MAP3K10: variants seen among roughly 807,000 people sequenced by gnomAD.
The protein encoded by MAP3K10 is MKN28 derived nonreceptor_type serine/threonine kinase.
MAP3K10 carries 22 observed loss-of-function variants against 75.0 expected under a neutral mutation model. The observed-to-expected ratio is 0.29, with a 90% confidence interval of 0.21 to 0.42. MAP3K10 has a LOEUF of 0.42. MAP3K10 is among the 10% of genes least tolerant of loss of function. The probability of loss-of-function intolerance (pLI) is 1.00; values close to 1 mark genes in which losing one functional copy is unlikely to be tolerated. For synonymous variants in MAP3K10, 599 were observed against 612.9 expected, an observed-to-expected ratio of 0.98 and a Z score of 0.34; for missense variants, 1,165 against 1,379.8, an observed-to-expected ratio of 0.84 and a Z score of 2.47.
In MAP3K10 at chr19:40,191,514, G is replaced by T. The variant is rs1972809937; in HGVS notation, c.-518G>T. On this transcript the variant is annotated 5_prime_UTR_variant, in exon 1 of 10. Coordinates refer to ENST00000253055, the MANE Select transcript of MAP3K10 (RefSeq NM_002446.4). ...ACCGGGAGGCCGGTGCCAAGGATGGGGGCCGCCCGGCTGCCCCGCGCGTGA... is the reference window on the plus strand; with the variant it reads ...ACCGGGAGGCCGGTGCCAAGGATGGTGGCCGCCCGGCTGCCCCGCGCGTGA... 6.7e-6 allele frequency among the ~76,000 whole-genome samples: 1 copy of T among 150,004 alleles called. No individual in the cohort carries two copies. Among genetic ancestry groups the T allele is most frequent in the Non-Finnish European group, 1.5e-5 (1 of 67,314 alleles).
At position 40,204,702 on chromosome 19, in the gene MAP3K10, T is replaced by C. The variant is rs114908734; in HGVS notation, c.1012+69T>C. ...GCAGGGACCTGTGGGCCCAGACCTT[T>C]CCCCTTCACACCTATCCATACCAGT... is the stretch of plus-strand genomic sequence containing the variant. On this transcript the variant is annotated intron_variant, in intron 3 of 9. Transcript: ENST00000253055. This position sits in a 1 kb window ranked among gnomAD's most constrained non-coding sequence, Gnocchi z 4.3. 1.3e-3 allele frequency: 2,051 copies of C among 1,552,616 alleles called. 28 individuals are homozygous for C. The African/African-American group carries it at 0.025, about 19-fold the overall frequency.
chr19:40,213,509 G>T lies in MAP3K10; in HGVS notation c.1838-8G>T. 6.2e-7 allele frequency: 1 copy of T among 1,611,144 alleles called. No individual in the cohort carries two copies. The highest frequency in any genetic ancestry group is 8.5e-7 in the Non-Finnish European group (1 of 1,179,374). On this transcript the variant is annotated splice_polypyrimidine_tract_variant and splice_region_variant and intron_variant, in intron 8 of 9. Transcript: ENST00000253055. The surrounding 1 kb of genome is among the most constrained non-coding windows in gnomAD (Gnocchi z 5.7). The stretch of plus-strand genomic sequence containing the variant: ...CTGCAGCGGAGTGATGGCCCTCTCC[G>T]GTTGCAGAGGAGTTCGCGGAGGCAG...
intron 2 of MAP3K10, among the ~76,000 whole-genome samples, chr19:40,199,896 C>A (rs149628218): frequency 2.0e-5 from 3 of 152,220 alleles, no homozygotes; most frequent in African/African-American, 4.8e-5. Context: ...CGGTGGCTCA[C>A]GCCTGTAATC....
chr19:40,204,791 G>A lies in MAP3K10; in HGVS notation c.1012+158G>A. ...GACTCTAAACAGCCTCCCCATGGTT[G>A]GCTCCATCCCCCACATCCCAGCCCT... On this transcript the variant is annotated intron_variant, in intron 3 of 9. Transcript: ENST00000253055. The surrounding 1 kb of genome is among the most constrained non-coding windows in gnomAD (Gnocchi z 4.3). 1 of 909,452 alleles carries A rather than the reference G, an allele frequency of 1.1e-6. No homozygotes were observed. Among genetic ancestry groups the A allele is most frequent in the Non-Finnish European group, 1.6e-6 (1 of 620,146 alleles). 56.3% of individuals were successfully genotyped at this position (909,452 alleles called of 1,614,324 possible). A position where few individuals can be genotyped will look rare whatever the true frequency, so the allele number is the denominator to read the frequency against.
At chr19:40,201,028 C>A (rs1008074762) in intron 2 of MAP3K10, among the ~76,000 whole-genome samples, 2 of 152,046 alleles carry the variant, frequency 1.3e-5, no homozygotes, top group Non-Finnish European at 2.9e-5. Context: ...TCACAGTAAC[C>A]CCATAGGTTT....
chr19:40,213,310 G>A lies in MAP3K10; in HGVS notation c.1837+122G>A, dbSNP rs1464205080. ...TGAGTGGAAGGCCTTCCTGGGAAGGGAGATGGTGGCCCCTGGGGCGTGGGG... is the reference window on the plus strand; with the variant it reads ...TGAGTGGAAGGCCTTCCTGGGAAGGAAGATGGTGGCCCCTGGGGCGTGGGG... On this transcript the variant is annotated intron_variant, in intron 8 of 9. Coordinates refer to ENST00000253055, the MANE Select transcript of MAP3K10 (RefSeq NM_002446.4). The surrounding 1 kb of genome is among the most constrained non-coding windows in gnomAD (Gnocchi z 5.7). 1 of 1,451,184 alleles carries A rather than the reference G, an allele frequency of 6.9e-7. No individual in the cohort carries two copies. Among genetic ancestry groups the A allele is most frequent in the African/African-American group, 1.4e-5 (1 of 70,066 alleles). 89.9% of individuals were successfully genotyped at this position (1,451,184 alleles called of 1,614,324 possible).
chr19:40,193,617 A>G (rs747955022), intron 1 of MAP3K10, among the ~76,000 whole-genome samples: 2 of 152,188 alleles, frequency 1.3e-5, no homozygotes, highest in Non-Finnish European at 2.9e-5. Context: ...TCATTCATTC[A>G]TTCCACAGAT....
intron 6 of MAP3K10, among the ~76,000 whole-genome samples, chr19:40,210,012 A>T (rs547813921): frequency 6.6e-6 from 1 of 152,204 alleles, no homozygotes; most frequent in Non-Finnish European, 1.5e-5. Context: ...TCACGCCTGT[A>T]ATTCCAGCAC....
chr19:40,195,595 G>T (rs1000805391), intron 1 of MAP3K10, among the ~76,000 whole-genome samples: 1 of 145,810 alleles, frequency 6.9e-6, no homozygotes, highest in African/African-American at 2.5e-5. Flanking sequence ...CCGGGTTCAA[G>T]TGATCCTTCC....
chr19:40,215,085 A>G lies in MAP3K10; in HGVS notation c.2658A>G (p.Arg886=). 1 of 1,606,894 alleles carries G rather than the reference A, an allele frequency of 6.2e-7. No individual in the cohort carries two copies. The highest frequency in any genetic ancestry group is 1.4e-5 in the African/African-American group (1 of 73,208). ...GRPTTLTFAP[R]PRPAASRPRL... ...CCACCACCCTGACCTTTGCCCCGAG[A>G]CCTCGGCCGGCTGCCAGTCGCCCCC... Residue 886 remains arginine, a synonymous_variant, in exon 10 of 10, where the codon AGA becomes AGG. Transcript: ENST00000253055.
Position 40,212,967 on chromosome 19 carries a change from G to A in MAP3K10, c.1715G>A (p.Gly572Glu), listed in dbSNP as rs1457572913. Residue 572 changes from glycine (G) to glutamate (E), a missense_variant, in exon 7 of 10, where the codon GGA becomes GAA. By Grantham distance (98) the Gly-to-Glu change is moderately conservative. Transcript: ENST00000253055. The surrounding 1 kb of genome is among the most constrained non-coding windows in gnomAD (Gnocchi z 4.2). ...SSTLQKERVG[G>E]EERLKGLGEG... ...ACCCTGCAGAAGGAGCGGGTGGGAGGAGAGGAGAGGTGAGGTGTGGTGTGG... is the reference window on the plus strand; with the variant it reads ...ACCCTGCAGAAGGAGCGGGTGGGAGAAGAGGAGAGGTGAGGTGTGGTGTGG... 3 of 1,603,884 alleles carry A rather than the reference G, an allele frequency of 1.9e-6. No homozygotes were observed. Among genetic ancestry groups the A allele is most frequent in the Admixed American group, 1.7e-5 (1 of 59,368 alleles).
rs866325050 is a variant in MAP3K10 at position 40,198,570 on chromosome 19, G to T, written c.863+15G>T. 6.3e-7 allele frequency: 1 copy of T among 1,598,498 alleles called. No homozygotes were observed. On this transcript the variant is annotated intron_variant, in intron 2 of 9. Coordinates refer to ENST00000253055, the MANE Select transcript of MAP3K10 (RefSeq NM_002446.4). The surrounding 1 kb of genome is among the most constrained non-coding windows in gnomAD (Gnocchi z 4.3). ...GATGTCTGGAGGTGCTGAAAGGCGC[G>T]GCCGGGATGGCCTCTGGGGAGTAAG...
chr19:40,202,441 G>A (rs1230008433), intron 2 of MAP3K10, among the ~76,000 whole-genome samples: 1 of 152,174 alleles, frequency 6.6e-6, no homozygotes, highest in East Asian at 1.9e-4. Flanking sequence ...ACAGGGATAA[G>A]TTGAGACAGG....
At position 40,205,391 on chromosome 19, in the gene MAP3K10, T is replaced by C; in HGVS notation, c.1188+95T>C. On this transcript the variant is annotated intron_variant, in intron 4 of 9. Transcript: ENST00000253055. This position sits in a 1 kb window ranked among gnomAD's most constrained non-coding sequence, Gnocchi z 4.3. ...AGACTCCTCCCCTGAACCCCAGCCT[T>C]TGGGTCCATGCAGGGTCAAGGGAGC... 2 of 1,365,604 alleles carry C rather than the reference T, an allele frequency of 1.5e-6. No individual in the cohort carries two copies. Among genetic ancestry groups the C allele is most frequent in the Non-Finnish European group, 2.0e-6 (2 of 984,040 alleles). 84.6% of individuals were successfully genotyped at this position (1,365,604 alleles called of 1,614,324 possible). A position where few individuals can be genotyped will look rare whatever the true frequency, so the allele number is the denominator to read the frequency against.
At chr19:40,211,985 A>C (rs1432406908) in intron 6 of MAP3K10, among the ~76,000 whole-genome samples, 1 of 152,200 alleles carries the variant, frequency 6.6e-6, no homozygotes, top group East Asian at 1.9e-4. Context: ...TGGGCCTCCC[A>C]AAGTGCTGGG....
intron 5 of MAP3K10, 199 bp downstream of exon 5, chr19:40,206,356 G>GC (rs1313831599): frequency 1.9e-6 from 1 of 528,700 alleles, no homozygotes; most frequent in East Asian, 3.4e-5. Context: ...ATCACTTGAG[G>GC]CCAGAAGTTT....
Position 40,202,970 on chromosome 19 carries a change from CAT to C in MAP3K10, c.864-1512_864-1511del, listed in dbSNP as rs144336888. On this transcript the variant is annotated intron_variant, in intron 2 of 9. Coordinates refer to ENST00000253055, the MANE Select transcript of MAP3K10 (RefSeq NM_002446.4). The stretch of plus-strand genomic sequence containing the variant: ...CTGAAGAATGGGAGGCTGTCAGCTG[CAT>C]ATGGGGGCAGTGATTGTGTCTATCT... Among the ~76,000 whole-genome samples the C allele has an allele frequency of 6.8e-3, 1,041 of 152,312 alleles. 13 individuals are homozygous for C. The highest frequency in any genetic ancestry group is 0.024 in the African/African-American group (982 of 41,562).
chr19:40,198,491 T>C lies in MAP3K10; in HGVS notation c.799T>C (p.Tyr267His). ...CACCAAGATGAGCGCTGCGGGGACC[T>C]ACGCCTGGATGGCGCCGGAGGTTAT... ...KTTKMSAAGT[Y>H]AWMAPEVIRL... The change falls in exon 2 of 10, where the codon TAC (tyrosine) becomes CAC (histidine). Residue 267 changes from tyrosine (Y) to histidine (H), a missense_variant. Transcript: ENST00000253055. The surrounding 1 kb of genome is among the most constrained non-coding windows in gnomAD (Gnocchi z 4.3). 1 of 1,614,062 alleles carries C rather than the reference T, an allele frequency of 6.2e-7. No individual in the cohort carries two copies. The highest frequency in any genetic ancestry group is 8.5e-7 in the Non-Finnish European group (1 of 1,179,988).
chr19:40,208,173 T>C (rs1358581926), intron 5 of MAP3K10, among the ~76,000 whole-genome samples: 1 of 151,770 alleles, frequency 6.6e-6, no homozygotes, highest in Non-Finnish European at 1.5e-5. Context: ...TTTTTTGTTT[T>C]TGTTTTTGTT....
Sources: gnomAD v4.1 joint callset for allele counts (sites outside exome capture counted in the v4.1 genomes callset) on GRCh38, gnomAD v4.1.1 for gene constraint, Gnocchi (gnomAD v3.1) non-coding constraint, MANE v1.5 for transcripts, NCBI Gene and HGNC (gene_info 2026-07-23, HGNC 2026-07-21) for gene names.